DDI2: variants seen among roughly 807,000 people sequenced by gnomAD.
The protein encoded by DDI2 is DDI proteasomal shuttling factor 2.
In DDI2, 5 loss-of-function variants were observed where a neutral mutation model predicts 48.1. That is an observed-to-expected ratio of 0.10 (90% CI 0.05 to 0.22). The LOEUF (loss-of-function observed/expected upper bound fraction) is 0.22, where lower values mean the gene tolerates loss of function less well. DDI2 is among the 10% of genes least tolerant of loss of function. The pLI, the probability that DDI2 is intolerant of heterozygous loss-of-function variation, is 1.00. For missense variants in DDI2, 285 were observed against 506.2 expected (o/e 0.56, Z 4.19); for synonymous variants, 205 against 183.6 (o/e 1.12, Z -0.94).
chr1:15,627,023 G>C, intron 2 of DDI2: 1 of 556,864 alleles, frequency 1.8e-6, no homozygotes, highest in East Asian at 3.0e-5. Context: ...TAAAGCTGAC[G>C]TGAGGCTAAT....
At chr1:15,623,476 C>T (rs1639702602) in intron 1 of DDI2, among the ~76,000 whole-genome samples, 1 of 149,498 alleles carries the variant, frequency 6.7e-6, no homozygotes. Flanking sequence ...TCACTGCAAC[C>T]TCGAACTCCT....
chr1:15,660,280 A>G lies in DDI2; in HGVS notation c.*490A>G, dbSNP rs531854465. The G allele has an allele frequency of 3.7e-5, 59 of 1,614,080 alleles. No individual in the cohort carries two copies. The highest frequency in any genetic ancestry group is 4.7e-5 in the Non-Finnish European group (55 of 1,180,046). ...GGAAGCTAGTTTATCTGTCACATCT[A>G]CTAGGATGCATGAACCACAGATGTT... On this transcript the variant is annotated 3_prime_UTR_variant, in exon 10 of 10. Coordinates refer to ENST00000480945, the MANE Select transcript of DDI2 (RefSeq NM_032341.5).
chr1:15,627,657 A>C (rs761554094), intron 2 of DDI2, among the ~76,000 whole-genome samples: 1 of 152,232 alleles, frequency 6.6e-6, no homozygotes, highest in Admixed American at 6.5e-5. Context: ...GATCCACAAA[A>C]TGATTATAAG....
chr1:15,624,804 A>T (rs1639727662), intron 1 of DDI2, among the ~76,000 whole-genome samples: 1 of 152,110 alleles, frequency 6.6e-6, no homozygotes, highest in African/African-American at 2.4e-5. Context: ...CACAAAAGAA[A>T]ATTTGCAACC....
intron 9 of DDI2, 99 bp from the exon 10 acceptor site, chr1:15,659,738 T>C (rs1640329953): frequency 7.9e-7 from 1 of 1,272,608 alleles, no homozygotes; most frequent in South Asian, 2.0e-5. Flanking sequence ...TTGAGGACCT[T>C]ATTTTATTCT....
chr1:15,619,802 A>G (rs2103458712), intron 1 of DDI2, among the ~76,000 whole-genome samples: 1 of 152,188 alleles, frequency 6.6e-6, no homozygotes, highest in South Asian at 2.1e-4. Context: ...TACCCTGGTT[A>G]TGATCACCGG....
intron 8 of DDI2, among the ~76,000 whole-genome samples, chr1:15,655,070 A>C (rs1379973979): frequency 1.3e-5 from 2 of 152,056 alleles, no homozygotes; most frequent in African/African-American, 4.8e-5. Flanking sequence ...TTTTAGTAAA[A>C]GTTTGGAAGA....
chr1:15,642,391 C>T (rs1640024795), intron 5 of DDI2, among the ~76,000 whole-genome samples: 2 of 152,186 alleles, frequency 1.3e-5, no homozygotes, highest in African/African-American at 4.8e-5. Flanking sequence ...TGGAAGACTG[C>T]ATGATTTATT....
intron 4 of DDI2, among the ~76,000 whole-genome samples, chr1:15,636,635 C>G (rs974761301): frequency 6.6e-6 from 1 of 152,206 alleles, no homozygotes; most frequent in African/African-American, 2.4e-5. Flanking sequence ...CCACGCCCAG[C>G]TAATTATAGT....
chr1:15,639,853 C>A (rs1449878896), intron 5 of DDI2, among the ~76,000 whole-genome samples: 3 of 151,666 alleles, frequency 2.0e-5, no homozygotes, highest in Admixed American at 6.6e-5. Context: ...ACAAAAAATA[C>A]AAAAATTAGC....
At chr1:15,650,691 A>G (rs921928510) in intron 7 of DDI2, among the ~76,000 whole-genome samples, 1 of 152,170 alleles carries the variant, frequency 6.6e-6, no homozygotes, top group African/African-American at 2.4e-5. Flanking sequence ...TTGTGCCACT[A>G]CACTTCAGCC....
chr1:15,621,070 T>C (rs1484140091), intron 1 of DDI2, among the ~76,000 whole-genome samples: 1 of 152,166 alleles, frequency 6.6e-6, no homozygotes, highest in Non-Finnish European at 1.5e-5. Flanking sequence ...GAACAAGCCA[T>C]CTCTGCTTGT....
At chr1:15,627,319 T>C (rs1639773862) in intron 2 of DDI2, among the ~76,000 whole-genome samples, 1 of 152,222 alleles carries the variant, frequency 6.6e-6, no homozygotes, top group South Asian at 2.1e-4. Flanking sequence ...TTTTAAATGG[T>C]GTCTTTAAAG....
Position 15,668,690 on chromosome 1 carries a change from C to CTTT in DDI2, c.*8902_*8903insTTT, listed in dbSNP as rs780794396. 9.2e-5 allele frequency: 14 copies of CTTT among 152,306 alleles called. No individual in the cohort carries two copies. Among genetic ancestry groups the CTTT allele is most frequent in the Middle Eastern group, 3.4e-3 (1 of 294 alleles). The allele number at this position is 152,306 out of a possible 1,614,324, so 9.4% of individuals were successfully genotyped here. On this transcript the variant is annotated 3_prime_UTR_variant, in exon 10 of 10. Coordinates refer to ENST00000480945, the MANE Select transcript of DDI2 (RefSeq NM_032341.5). The stretch of plus-strand genomic sequence containing the variant: ...ACTTTAAGCTTTGAGACTACTGCAT[C>CTTT]TTAAAAGAAGAACTAGGCTGACTGG...
intron 4 of DDI2, among the ~76,000 whole-genome samples, chr1:15,636,839 G>A (rs6429767): frequency 0.32 from 48,892 of 152,182 alleles, 8,761 homozygotes; most frequent in African/African-American, 0.46. Flanking sequence ...CTCATGTTCA[G>A]CTCCGCCACT....
At chr1:15,645,024 G>T (rs1250690838) in intron 6 of DDI2, among the ~76,000 whole-genome samples, 1 of 133,586 alleles carries the variant, frequency 7.5e-6, no homozygotes. Flanking sequence ...CTGAGTAGCC[G>T]GGTCACAGGC....
intron 6 of DDI2, among the ~76,000 whole-genome samples, chr1:15,644,901 G>GT (rs997185909): frequency 1.5e-5 from 2 of 136,184 alleles, no homozygotes; most frequent in Non-Finnish European, 3.2e-5. Context: ...CCTCTTTTCT[G>GT]TTTTTTTGAA....
intron 4 of DDI2, among the ~76,000 whole-genome samples, chr1:15,635,803 T>C (rs1639919337): frequency 6.6e-6 from 1 of 152,206 alleles, no homozygotes; most frequent in South Asian, 2.1e-4. Flanking sequence ...TTGCAGAGGA[T>C]TTTTTGTTGA....
chr1:15,620,900 G>A (rs542413231), intron 1 of DDI2, among the ~76,000 whole-genome samples: 1 of 152,220 alleles, frequency 6.6e-6, no homozygotes, highest in Non-Finnish European at 1.5e-5. Context: ...CACCGTTAAA[G>A]AATTGTCTTG....
Sources: gnomAD v4.1 joint callset for allele counts (sites outside exome capture counted in the v4.1 genomes callset) on GRCh38, gnomAD v4.1.1 for gene constraint, MANE v1.5 for transcripts, NCBI Gene and HGNC (gene_info 2026-07-23, HGNC 2026-07-21) for gene names.